The following ARHGAP25 variants were observed in gnomAD, a reference collection of about 807,000 sequenced individuals.
ARHGAP25 encodes Rho GTPase activating protein 25, also known as rho GTPase-activating protein 25.
ARHGAP25 carries 34 observed loss-of-function variants against 71.0 expected under a neutral mutation model. The ratio of observed to expected loss-of-function variants is 0.48; its 90% CI spans 0.36 to 0.64. The LOEUF is 0.64. Ranked by LOEUF, ARHGAP25 falls within the 30% of genes least tolerant of loss-of-function variation. ARHGAP25 has a pLI of 0.00. For synonymous variants in ARHGAP25, 282 were observed against 296.5 expected, an observed-to-expected ratio of 0.95 and a Z score of 0.50; for missense variants, 706 against 805.1, an observed-to-expected ratio of 0.88 and a Z score of 1.49.
intron 1 of ARHGAP25, among the ~76,000 whole-genome samples, chr2:68,738,968 A>G (rs905473236): frequency 6.6e-6 from 1 of 152,138 alleles, no homozygotes; most frequent in African/African-American, 2.4e-5. Flanking sequence ...TCTGTCCGTA[A>G]TGTTGCTGTT....
intron 2 of ARHGAP25, among the ~76,000 whole-genome samples, chr2:68,719,409 A>C (rs1674697751): frequency 6.9e-6 from 1 of 145,650 alleles, no homozygotes; most frequent in South Asian, 2.4e-4. Context: ...AGCTGGTATC[A>C]GGGAATTGGT....
intron 2 of ARHGAP25, among the ~76,000 whole-genome samples, chr2:68,719,325 C>T (rs980636374): frequency 5.6e-4 from 85 of 151,494 alleles, no homozygotes; most frequent in African/African-American, 1.8e-3. Context: ...TGAAAGACTG[C>T]GCCCTTCGTC....
At chr2:68,804,450 CTATCAA>C (rs1478292997) in intron 4 of ARHGAP25, among the ~76,000 whole-genome samples, 3 of 152,180 alleles carry the variant, frequency 2.0e-5, no homozygotes, top group Non-Finnish European at 2.9e-5. Context: ...CAATCATGTC[CTATCAA>C]TTTGGTGAAA....
At position 68,776,438 on chromosome 2, in the gene ARHGAP25, G is replaced by T. The variant is rs1677928597; in HGVS notation, c.261+1018G>T. On this transcript the variant is annotated intron_variant, in intron 2 of 10. Transcript: ENST00000409202. ...GCCAGAGGAGACGCAAGTAATCTAG[G>T]TAAGGGGTTATGATGTTTAGGGGCT... Among the ~76,000 whole-genome samples the T allele has an allele frequency of 2.0e-5, 3 of 152,218 alleles. No individual in the cohort carries two copies. In the South Asian group the frequency reaches 6.2e-4, roughly 32 times the overall value.
At chr2:68,810,358 G>T (rs1052987371) in intron 5 of ARHGAP25, among the ~76,000 whole-genome samples, 7 of 152,140 alleles carry the variant, frequency 4.6e-5, no homozygotes, top group Non-Finnish European at 1.0e-4. Flanking sequence ...TAGAACAGGG[G>T]CTTTTCACAT....
intron 1 of ARHGAP25, among the ~76,000 whole-genome samples, chr2:68,745,676 G>A (rs2104301215): frequency 6.6e-6 from 1 of 152,324 alleles, no homozygotes. Context: ...AACAGAGCCA[G>A]ACAAACTTAC....
chr2:68,780,744 T>A (rs2104387100), intron 2 of ARHGAP25, among the ~76,000 whole-genome samples: 1 of 152,282 alleles, frequency 6.6e-6, no homozygotes, highest in Non-Finnish European at 1.5e-5. Flanking sequence ...TTAGGCATTT[T>A]TATTTCTAGA....
At chr2:68,809,743 G>T (rs907142711) in intron 5 of ARHGAP25, among the ~76,000 whole-genome samples, 3 of 152,164 alleles carry the variant, frequency 2.0e-5, no homozygotes, top group African/African-American at 7.2e-5. Flanking sequence ...CTTCACGGCT[G>T]TGGGAACTCA....
At chr2:68,763,174 T>G (rs1676927365) in intron 1 of ARHGAP25, among the ~76,000 whole-genome samples, 1 of 152,232 alleles carries the variant, frequency 6.6e-6, no homozygotes, top group African/African-American at 2.4e-5. Context: ...TTCATGAATT[T>G]TAGAATGCTT....
chr2:68,818,088 C>A, intron 8 of ARHGAP25, 94 bp downstream of exon 8: 1 of 1,501,708 alleles, frequency 6.7e-7, no homozygotes, highest in Non-Finnish European at 9.2e-7. Flanking sequence ...GTTTCCCAAG[C>A]ATTTTAAGCT....
chr2:68,804,422 T>C (rs1680214793), intron 4 of ARHGAP25, among the ~76,000 whole-genome samples: 1 of 152,214 alleles, frequency 6.6e-6, no homozygotes, highest in South Asian at 2.1e-4. Context: ...ATCTGGTCTG[T>C]TTTAAGTCGG....
chr2:68,729,264 A>G (rs546334040), intron 2 of ARHGAP25, among the ~76,000 whole-genome samples: 89 of 152,372 alleles, frequency 5.8e-4, no homozygotes, highest in African/African-American at 2.1e-3. Context: ...TTATGTATCA[A>G]TACAGCTCAT....
chr2:68,760,385 A>G (rs1220258833), intron 1 of ARHGAP25, among the ~76,000 whole-genome samples: 1 of 152,058 alleles, frequency 6.6e-6, no homozygotes, highest in Non-Finnish European at 1.5e-5. Context: ...ATTAGAAAAG[A>G]AAAAGTACAC....
chr2:68,807,225 C>T, intron 4 of ARHGAP25, 48 bp from the exon 5 acceptor site: 1 of 1,597,594 alleles, frequency 6.3e-7, no homozygotes, highest in African/African-American at 1.3e-5. Context: ...AATAGTTCAT[C>T]CAAGGAAGCA....
chr2:68,811,320 A>G lies in ARHGAP25; in HGVS notation c.675-1967A>G, dbSNP rs538188168. 6.6e-5 allele frequency among the ~76,000 whole-genome samples: 10 copies of G among 152,280 alleles called. No homozygotes were observed. The South Asian group carries it at 2.1e-3, about 32-fold the overall frequency. ...GAGTCCCAGGATGCTGATAGAGACAAATGGGTGGATTGCAGTGTAGGGACT... is the reference window on the plus strand; with the variant it reads ...GAGTCCCAGGATGCTGATAGAGACAGATGGGTGGATTGCAGTGTAGGGACT... On this transcript the variant is annotated intron_variant, in intron 5 of 10. Transcript: ENST00000409202.
chr2:68,819,645 G>A, intron 9 of ARHGAP25: 2 of 558,026 alleles, frequency 3.6e-6, no homozygotes, highest in Non-Finnish European at 6.4e-6. Context: ...ATACAACATT[G>A]TAAATGTTTT....
At position 68,826,223 on chromosome 2, in the gene ARHGAP25, C is replaced by T; in HGVS notation, c.*29C>T. The T allele has an allele frequency of 1.3e-6, 2 of 1,596,364 alleles. No individual in the cohort carries two copies. The highest frequency in any genetic ancestry group is 1.7e-6 in the Non-Finnish European group (2 of 1,164,162). ...TCCCAGGAGTACTGCAGGGACAGCC[C>T]CAGAGAGGCCCAACTCTGGCCCCTT... On this transcript the variant is annotated 3_prime_UTR_variant, in exon 11 of 11. Transcript: ENST00000409202.
chr2:68,745,877 G>A (rs922650829), intron 1 of ARHGAP25, among the ~76,000 whole-genome samples: 5 of 152,126 alleles, frequency 3.3e-5, no homozygotes, highest in Admixed American at 6.6e-5. Context: ...GGTCTCACAC[G>A]GCAGAAAGGG....
chr2:68,735,670 T>C (rs996151145), intron 1 of ARHGAP25: 2 of 180,010 alleles, frequency 1.1e-5, no homozygotes, highest in Admixed American at 6.0e-5. Context: ...ATGGGTGTTC[T>C]GTTTTGTGAG....
Sources: gnomAD v4.1 joint callset for allele counts (sites outside exome capture counted in the v4.1 genomes callset) on GRCh38, gnomAD v4.1.1 for gene constraint, MANE v1.5 for transcripts, NCBI Gene and HGNC (gene_info 2026-07-23, HGNC 2026-07-21) for gene names.